Variants in PLXNA4 observed in about 807,000 individuals in gnomAD.
PLXNA4 encodes the protein plexin-A4.
PLXNA4 carries 44 observed loss-of-function variants against 191.8 expected under a neutral mutation model. That is an observed-to-expected ratio of 0.23 (90% CI 0.18 to 0.29). The LOEUF (loss-of-function observed/expected upper bound fraction) is 0.29, where lower values mean the gene tolerates loss of function less well. Ranked by LOEUF, PLXNA4 falls within the 10% of genes least tolerant of loss-of-function variation. The pLI is 1.00. For synonymous variants in PLXNA4, 1,082 were observed against 1,009.5 expected (o/e 1.07, Z -1.36); for missense variants, 1,800 against 2,488.8 (o/e 0.72, Z 5.89).
chr7:132,303,039 G>A (rs563020514), intron 3 of PLXNA4, among the ~76,000 whole-genome samples: 1 of 151,792 alleles, frequency 6.6e-6, no homozygotes, highest in Non-Finnish European at 1.5e-5. Context: ...ACCACGCCCA[G>A]CTAATTTTTG....
chr7:132,157,883 G>A (rs1795841389), intron 25 of PLXNA4, among the ~76,000 whole-genome samples: 1 of 152,168 alleles, frequency 6.6e-6, no homozygotes, highest in South Asian at 2.1e-4. Flanking sequence ...CTCCCACTGG[G>A]CCGTAACAGT....
rs552614164 is a variant in PLXNA4, at chr7:132,551,172, C to T, written c.-87+25250G>A. ...CCTGGCATGCCGAACTTGGAGACAG[C>T]GAGCTTAGGTGCACACCCAGGTCCC... On this transcript the variant is annotated intron_variant, in intron 1 of 31. Transcript: ENST00000321063. Among the ~76,000 whole-genome samples, 20 of 152,292 alleles carry T rather than the reference C, an allele frequency of 1.3e-4. No individual in the cohort carries two copies. The South Asian group carries it at 2.7e-3, about 21-fold the overall frequency.
At chr7:132,434,578 T>C (rs747156835) in intron 3 of PLXNA4, among the ~76,000 whole-genome samples, 34 of 152,366 alleles carry the variant, frequency 2.2e-4, no homozygotes, top group Non-Finnish European at 3.8e-4. Flanking sequence ...GCTTTCTTTG[T>C]ATAATACTTG....
intron 3 of PLXNA4, among the ~76,000 whole-genome samples, chr7:132,433,358 A>G (rs1585128043): frequency 6.6e-6 from 1 of 152,296 alleles, no homozygotes; most frequent in African/African-American, 2.4e-5. Flanking sequence ...TCTACCCTAC[A>G]TACCCAGCAA....
chr7:132,435,385 T>C (rs753110007), intron 3 of PLXNA4, among the ~76,000 whole-genome samples: 1 of 152,210 alleles, frequency 6.6e-6, no homozygotes, highest in South Asian at 2.1e-4. Context: ...TTGCTCAGAC[T>C]GCAGCCTGTT....
intron 30 of PLXNA4, among the ~76,000 whole-genome samples, chr7:132,137,072 A>C (rs1024016793): frequency 6.6e-6 from 1 of 152,184 alleles, no homozygotes; most frequent in Non-Finnish European, 1.5e-5. Context: ...GATACCATTA[A>C]TGTTTGACCC....
intron 13 of PLXNA4, among the ~76,000 whole-genome samples, chr7:132,196,928 T>TTTATAAAAGCTCTTTATAAA (rs1797271026): frequency 1.3e-5 from 2 of 152,244 alleles, no homozygotes; most frequent in Non-Finnish European, 2.9e-5. Context: ...TTGCCTTTTA[T>TTTATAAAAGCTCTTTATAAA]TTATAAAAGC....
chr7:132,267,614 T>C (rs1799905949), intron 4 of PLXNA4, among the ~76,000 whole-genome samples: 1 of 152,234 alleles, frequency 6.6e-6, no homozygotes, highest in Non-Finnish European at 1.5e-5. Context: ...TCATGGTATT[T>C]AGATTCTCAG....
chr7:132,528,892 C>T (rs77297521), intron 1 of PLXNA4, among the ~76,000 whole-genome samples: 5,237 of 152,244 alleles, frequency 0.034, 236 homozygotes, highest in African/African-American at 0.1. Flanking sequence ...TACCAGAAGG[C>T]GAAAGCATCT....
chr7:132,633,864 T>G (rs1004173282), intron 2 of PLXNA4, among the ~76,000 whole-genome samples: 1 of 152,088 alleles, frequency 6.6e-6, no homozygotes, highest in African/African-American at 2.4e-5. Context: ...CATCAGTATC[T>G]TCTCCCTTGT....
intron 3 of PLXNA4, among the ~76,000 whole-genome samples, chr7:132,350,959 AG>A (rs1295804430): frequency 1.3e-5 from 2 of 152,274 alleles, no homozygotes; most frequent in Admixed American, 6.5e-5. Flanking sequence ...GGCAAGGAAA[AG>A]GAATGAAGTA....
intron 4 of PLXNA4, among the ~76,000 whole-genome samples, chr7:132,243,946 T>C (rs1426417334): frequency 1.3e-5 from 2 of 152,130 alleles, no homozygotes; most frequent in Admixed American, 1.3e-4. Flanking sequence ...CCTTGAGCTA[T>C]GATATTTGCC....
In PLXNA4 at chr7:132,227,471, G is replaced by T; in HGVS notation, c.1862C>A (p.Pro621His). 6.2e-7 allele frequency: 1 copy of T among 1,614,150 alleles called. No homozygotes were observed. Among genetic ancestry groups the T allele is most frequent in the South Asian group, 1.1e-5 (1 of 91,074 alleles). ...CTCACCATTCTCTGTGATGATCCGG[G>T]GCACCTCCTTGGCTGCAGGGGAGTA... is the stretch of plus-strand genomic sequence containing the variant. ...QCYSPAAKEV[P>H]RIITENGDHH... The change falls in exon 7 of 32, where the codon CCC (proline) becomes CAC (histidine). Residue 621 changes from proline (P) to histidine (H), a missense_variant. Pro to His is a moderately conservative substitution (Grantham distance 77). Coordinates refer to ENST00000321063, the MANE Select transcript of PLXNA4 (RefSeq NM_020911.2).
At chr7:132,138,429 C>A (rs1795175605) in intron 30 of PLXNA4, among the ~76,000 whole-genome samples, 1 of 152,148 alleles carries the variant, frequency 6.6e-6, no homozygotes, top group Non-Finnish European at 1.5e-5. Context: ...CCCTGCCGGA[C>A]TTTACTTTCC....
At chr7:132,384,518 A>C in intron 3 of PLXNA4, 1 of 986,630 alleles carries the variant, frequency 1.0e-6, no homozygotes, top group Non-Finnish European at 1.2e-6. Flanking sequence ...TAAGGAAAGG[A>C]GACTGGACAA....
At chr7:132,366,890 T>C (rs1804209600) in intron 3 of PLXNA4, among the ~76,000 whole-genome samples, 1 of 152,134 alleles carries the variant, frequency 6.6e-6, no homozygotes, top group Admixed American at 6.5e-5. Context: ...GCCTCCTGAG[T>C]AGCTGGAACC....
intron 3 of PLXNA4, among the ~76,000 whole-genome samples, chr7:132,451,581 T>C (rs948411911): frequency 7.9e-5 from 12 of 152,192 alleles, no homozygotes; most frequent in African/African-American, 2.9e-4. Flanking sequence ...GCTATTTCCT[T>C]TGTGGGGTCT....
chr7:132,622,334 G>A (rs1403821723), intron 2 of PLXNA4, among the ~76,000 whole-genome samples: 1 of 152,142 alleles, frequency 6.6e-6, no homozygotes, highest in African/African-American at 2.4e-5. Context: ...GATTTAATGT[G>A]AGCAAGAATT....
At chr7:132,311,202 G>GTGTGCGCGT (rs1554411105) in intron 3 of PLXNA4, among the ~76,000 whole-genome samples, 1 of 151,068 alleles carries the variant, frequency 6.6e-6, no homozygotes, top group East Asian at 1.9e-4. Flanking sequence ...GTGCGCGTGT[G>GTGTGCGCGT]GCCTAAAGGA....
Sources: gnomAD v4.1 joint callset for allele counts (sites outside exome capture counted in the v4.1 genomes callset) on GRCh38, gnomAD v4.1.1 for gene constraint, MANE v1.5 for transcripts, NCBI Gene and HGNC (gene_info 2026-07-23, HGNC 2026-07-21) for gene names.